NKAIN2: variants seen among roughly 807,000 people sequenced by gnomAD.
The protein encoded by NKAIN2 is sodium/potassium transporting ATPase interacting 2, also known as sodium/potassium-transporting ATPase subunit beta-1-interacting protein 2.
A neutral mutation model predicts 32.6 loss-of-function variants in NKAIN2; 14 were observed. The ratio of observed to expected loss-of-function variants is 0.43; its 90% CI spans 0.28 to 0.67. NKAIN2 has a LOEUF of 0.67. NKAIN2 is among the 30% of genes least tolerant of loss of function. NKAIN2 has a pLI of 0.17. For missense variants in NKAIN2, 198 were observed against 258.3 expected, an observed-to-expected ratio of 0.77 and a Z score of 1.60; for synonymous variants, 80 against 87.2, an observed-to-expected ratio of 0.92 and a Z score of 0.46.
intron 3 of NKAIN2, among the ~76,000 whole-genome samples, chr6:124,486,202 G>C (rs891543492): frequency 6.6e-6 from 1 of 152,112 alleles, no homozygotes; most frequent in Non-Finnish European, 1.5e-5. Flanking sequence ...TAAAACTCTT[G>C]TTGGCTGAAA....
At chr6:124,457,496 T>G (rs2114638310) in intron 3 of NKAIN2, among the ~76,000 whole-genome samples, 1 of 152,072 alleles carries the variant, frequency 6.6e-6, no homozygotes, top group African/African-American at 2.4e-5. Flanking sequence ...CCACATATCC[T>G]TTTGTTCCCT....
intron 1 of NKAIN2, among the ~76,000 whole-genome samples, chr6:124,058,003 G>A (rs74555130): frequency 0.053 from 8,032 of 152,046 alleles, 258 homozygotes; most frequent in Middle Eastern, 0.13. Context: ...AGTTGTAATC[G>A]TGATTGTTTA....
At chr6:123,957,801 AAG>A (rs1259474315) in intron 1 of NKAIN2, among the ~76,000 whole-genome samples, 3 of 152,190 alleles carry the variant, frequency 2.0e-5, no homozygotes, top group African/African-American at 7.2e-5. Context: ...AGTAATTAAT[AAG>A]AGGATAAAAA....
chr6:124,193,498 G>A (rs1019754330), intron 1 of NKAIN2, among the ~76,000 whole-genome samples: 4 of 152,148 alleles, frequency 2.6e-5, no homozygotes, highest in African/African-American at 9.7e-5. Flanking sequence ...GAGACACCAG[G>A]AACCGCAGAG....
At chr6:123,881,905 T>G (rs1773475434) in intron 1 of NKAIN2, among the ~76,000 whole-genome samples, 1 of 152,150 alleles carries the variant, frequency 6.6e-6, no homozygotes, top group Non-Finnish European at 1.5e-5. Flanking sequence ...CATGGTGCAT[T>G]ACCTAAAATT....
intron 1 of NKAIN2, among the ~76,000 whole-genome samples, chr6:124,146,318 T>A (rs1787399405): frequency 6.6e-6 from 1 of 152,144 alleles, no homozygotes; most frequent in South Asian, 2.1e-4. Context: ...AAAAAATAAT[T>A]TACTAACTTA....
chr6:124,381,612 G>A (rs1772642294), intron 3 of NKAIN2, among the ~76,000 whole-genome samples: 3 of 152,042 alleles, frequency 2.0e-5, no homozygotes, highest in East Asian at 3.9e-4. Context: ...ACGTTTCATC[G>A]AACTTCTCTA....
chr6:124,092,670 G>C (rs762023688), intron 1 of NKAIN2, among the ~76,000 whole-genome samples: 2 of 151,916 alleles, frequency 1.3e-5, no homozygotes, highest in African/African-American at 2.4e-5. Context: ...GATGGGGTAA[G>C]ATGATATCTA....
intron 3 of NKAIN2, among the ~76,000 whole-genome samples, chr6:124,441,404 T>TA (rs1391904956): frequency 2.6e-5 from 4 of 152,104 alleles, no homozygotes; most frequent in Non-Finnish European, 4.4e-5. Flanking sequence ...GAATATGGTA[T>TA]AGCTTTAGTC....
intron 4 of NKAIN2, among the ~76,000 whole-genome samples, chr6:124,730,177 A>G (rs1259922734): frequency 1.1e-5 from 1 of 91,364 alleles, no homozygotes. Flanking sequence ...TCAAGCTACC[A>G]ATGCCTTTTT....
intron 1 of NKAIN2, among the ~76,000 whole-genome samples, chr6:123,940,531 T>C (rs1015885692): frequency 2.0e-5 from 3 of 152,056 alleles, no homozygotes; most frequent in African/African-American, 7.2e-5. Flanking sequence ...GCATATGATA[T>C]AGCATTTTGC....
chr6:124,236,950 A>G (rs1463352298), intron 1 of NKAIN2, among the ~76,000 whole-genome samples: 4 of 152,208 alleles, frequency 2.6e-5, no homozygotes, highest in Non-Finnish European at 5.9e-5. Flanking sequence ...ATGTAAAAAA[A>G]GGAACATATA....
intron 1 of NKAIN2, among the ~76,000 whole-genome samples, chr6:124,197,243 G>C (rs1042877724): frequency 4.0e-5 from 6 of 151,736 alleles, no homozygotes; most frequent in African/African-American, 1.2e-4. Flanking sequence ...GTTCATAAAT[G>C]TTACTATGTT....
chr6:124,476,397 C>CTGTGTG (rs56691516), intron 3 of NKAIN2, among the ~76,000 whole-genome samples: 31 of 138,034 alleles, frequency 2.2e-4, no homozygotes, highest in South Asian at 2.2e-3. Context: ...ATGTATGTGA[C>CTGTGTG]TGTGTGTGTG....
chr6:124,620,422 G>T (rs1282170504), intron 3 of NKAIN2, among the ~76,000 whole-genome samples: 34 of 152,158 alleles, frequency 2.2e-4, no homozygotes, highest in Non-Finnish European at 5.9e-5. Context: ...CTCACACGAT[G>T]AACACAGCTA....
chr6:123,927,075 C>T (rs1376810260), intron 1 of NKAIN2, among the ~76,000 whole-genome samples: 1 of 152,144 alleles, frequency 6.6e-6, no homozygotes, highest in Non-Finnish European at 1.5e-5. Context: ...TAAGCTGAGA[C>T]ATCAGGTATA....
rs550090712 is a variant in NKAIN2, at chr6:124,380,950, G to C, written c.273+25603G>C. Among the ~76,000 whole-genome samples the C allele has an allele frequency of 5.3e-4, 81 of 152,228 alleles. 1 individual carries two copies. Among genetic ancestry groups the C allele is most frequent in the Admixed American group, 3.2e-3 (49 of 15,292 alleles). On this transcript the variant is annotated intron_variant, in intron 3 of 6. Transcript: ENST00000368417. Reference sequence around the variant, plus strand: ...CCTTTAAAAGACTACCACTTGTATCGAAGTGTAACTTCAAAGAAGACTATC... The same window carrying C: ...CCTTTAAAAGACTACCACTTGTATCCAAGTGTAACTTCAAAGAAGACTATC...
chr6:124,376,763 A>C (rs1176098239), intron 3 of NKAIN2, among the ~76,000 whole-genome samples: 1 of 152,128 alleles, frequency 6.6e-6, no homozygotes, highest in Non-Finnish European at 1.5e-5. Flanking sequence ...TCTACTATAA[A>C]TATCATTTAT....
intron 4 of NKAIN2, among the ~76,000 whole-genome samples, chr6:124,707,475 T>A (rs1236502346): frequency 6.7e-6 from 1 of 149,102 alleles, no homozygotes; most frequent in Non-Finnish European, 1.5e-5. Flanking sequence ...AAGGTGTTCC[T>A]ATTTCTCCAC....
Sources: allele counts gnomAD v4.1 joint callset (sites outside exome capture counted in the v4.1 genomes callset), GRCh38; gene constraint gnomAD v4.1.1; transcripts MANE v1.5; gene names NCBI Gene and HGNC (gene_info 2026-07-23, HGNC 2026-07-21).